The following DSCAM variants were observed in gnomAD, a reference collection of about 807,000 sequenced individuals.
DSCAM encodes the protein cell adhesion molecule DSCAM.
DSCAM carries 47 observed loss-of-function variants against 217.7 expected under a neutral mutation model. The ratio of observed to expected loss-of-function variants is 0.22; its 90% CI spans 0.17 to 0.28. The LOEUF (loss-of-function observed/expected upper bound fraction) is 0.28, where lower values mean the gene tolerates loss of function less well. Among genes scored for constraint, DSCAM ranks in the 10% least tolerant of loss-of-function variants. DSCAM has a pLI of 1.00. For missense variants in DSCAM, 2,080 were observed against 2,618.3 expected, an observed-to-expected ratio of 0.79 and a Z score of 4.49; for synonymous variants, 1,056 against 1,015.3, an observed-to-expected ratio of 1.04 and a Z score of -0.76.
At chr21:40,244,935 G>A (rs551068830) in intron 11 of DSCAM, among the ~76,000 whole-genome samples, 1 of 149,202 alleles carries the variant, frequency 6.7e-6, no homozygotes, top group East Asian at 2.1e-4. Context: ...TCCGCCGACT[G>A]CCAAGGGCTT....
At chr21:40,253,666 G>A (rs188198169) in intron 11 of DSCAM, among the ~76,000 whole-genome samples, 63 of 152,302 alleles carry the variant, frequency 4.1e-4, no homozygotes, top group African/African-American at 1.0e-3. Context: ...TCACGCCTCC[G>A]TAATAAAACT....
intron 1 of DSCAM, among the ~76,000 whole-genome samples, chr21:40,737,902 T>C (rs181712955): frequency 2.0e-5 from 3 of 152,168 alleles, no homozygotes; most frequent in African/African-American, 7.2e-5. Context: ...AGAAACCACC[T>C]TCTTTTTCTG....
intron 16 of DSCAM, among the ~76,000 whole-genome samples, chr21:40,163,762 C>T (rs1046809446): frequency 6.6e-6 from 1 of 152,032 alleles, no homozygotes; most frequent in African/African-American, 2.4e-5. Context: ...AGTGGTTGGT[C>T]GCCTGGTGTA....
intron 3 of DSCAM, among the ~76,000 whole-genome samples, chr21:40,449,018 C>G (rs1601652488): frequency 6.6e-6 from 1 of 152,126 alleles, no homozygotes; most frequent in African/African-American, 2.4e-5. Context: ...TATTATTATT[C>G]CTTTTCCAGC....
At chr21:40,284,378 G>A (rs1371341938) in intron 10 of DSCAM, among the ~76,000 whole-genome samples, 1 of 152,156 alleles carries the variant, frequency 6.6e-6, no homozygotes, top group Non-Finnish European at 1.5e-5. Flanking sequence ...GAAAGTTTGT[G>A]TCAGATGCTG....
At chr21:40,773,681 C>T (rs1052478462) in intron 1 of DSCAM, among the ~76,000 whole-genome samples, 1 of 152,148 alleles carries the variant, frequency 6.6e-6, no homozygotes, top group East Asian at 1.9e-4. Flanking sequence ...AAGCACAGGC[C>T]CCTGATTTTC....
In DSCAM at chr21:40,189,241, G is replaced by A; in HGVS notation, c.2357-3C>T. On this transcript the variant is annotated splice_polypyrimidine_tract_variant and splice_region_variant and intron_variant, in intron 11 of 32. Coordinates refer to ENST00000400454, the MANE Select transcript of DSCAM (RefSeq NM_001389.5). ...ATAGGATGTTATCATCGCAGGAACT[G>A]AAAAAGCAAAAGGGACACAACTTGT... is the stretch of plus-strand genomic sequence containing the variant. 6.4e-7 allele frequency: 1 copy of A among 1,559,986 alleles called. No homozygotes were observed.
At chr21:40,426,400 T>C (rs2075475425) in intron 3 of DSCAM, among the ~76,000 whole-genome samples, 1 of 152,210 alleles carries the variant, frequency 6.6e-6, no homozygotes, top group African/African-American at 2.4e-5. Flanking sequence ...CTATGGGCAT[T>C]TTCACGAGTG....
chr21:40,512,143 C>T (rs1444341677), intron 3 of DSCAM, among the ~76,000 whole-genome samples: 1 of 152,050 alleles, frequency 6.6e-6, no homozygotes, highest in Non-Finnish European at 1.5e-5. Context: ...AGGAAATTAA[C>T]GTAGCAGTGA....
At chr21:40,042,770 A>T (rs2088777149) in intron 31 of DSCAM, 97 bp from the exon 32 acceptor site, 4 of 1,201,952 alleles carry the variant, frequency 3.3e-6, no homozygotes, top group East Asian at 5.0e-5. Context: ...TTTCTTCCAG[A>T]TCATGGTGGG....
intron 1 of DSCAM, among the ~76,000 whole-genome samples, chr21:40,799,247 TGATG>T (rs1174724249): frequency 6.6e-6 from 1 of 152,196 alleles, no homozygotes; most frequent in Non-Finnish European, 1.5e-5. Flanking sequence ...TTGGGGTAGG[TGATG>T]CTTCCTCTCT....
intron 1 of DSCAM, among the ~76,000 whole-genome samples, chr21:40,737,300 A>G (rs1388067830): frequency 3.3e-5 from 5 of 152,202 alleles, no homozygotes; most frequent in African/African-American, 7.2e-5. Context: ...TTTATAAGGA[A>G]ATACATCAAC....
chr21:40,105,963 C>T (rs1402516269), intron 20 of DSCAM, among the ~76,000 whole-genome samples: 1 of 152,132 alleles, frequency 6.6e-6, no homozygotes, highest in Non-Finnish European at 1.5e-5. Context: ...CCTACTTGAT[C>T]ATGGTGGATA....
chr21:40,178,014 G>T (rs2090751558), intron 15 of DSCAM, among the ~76,000 whole-genome samples: 1 of 151,938 alleles, frequency 6.6e-6, no homozygotes, highest in Non-Finnish European at 1.5e-5. Context: ...GGCAGGAAAA[G>T]AAGAGGTAGG....
intron 20 of DSCAM, among the ~76,000 whole-genome samples, chr21:40,102,809 T>G (rs1233067405): frequency 6.6e-6 from 1 of 152,172 alleles, no homozygotes; most frequent in African/African-American, 2.4e-5. Flanking sequence ...CCTTCTCTAG[T>G]CCTCTCAATC....
At chr21:40,062,157 G>A (rs1304069802) in intron 28 of DSCAM, among the ~76,000 whole-genome samples, 3 of 152,190 alleles carry the variant, frequency 2.0e-5, no homozygotes, top group Non-Finnish European at 2.9e-5. Context: ...GTTTGGGGAC[G>A]TGAAAGTAAC....
chr21:40,540,411 G>A (rs1334685806), intron 3 of DSCAM, among the ~76,000 whole-genome samples: 2 of 152,018 alleles, frequency 1.3e-5, no homozygotes, highest in East Asian at 1.9e-4. Context: ...TCTCTCTGTC[G>A]ATGTTAATTA....
chr21:40,537,999 C>T (rs192065512), intron 3 of DSCAM, among the ~76,000 whole-genome samples: 26 of 152,176 alleles, frequency 1.7e-4, no homozygotes, highest in East Asian at 1.5e-3. Context: ...TCAGAGAGAG[C>T]GCTCAATAAA....
At chr21:40,247,595 C>T (rs184316077) in intron 11 of DSCAM, among the ~76,000 whole-genome samples, 3 of 152,352 alleles carry the variant, frequency 2.0e-5, no homozygotes, top group Admixed American at 2.0e-4. Context: ...GCAACAGATG[C>T]ATTCCCATGG....
Sources: gnomAD v4.1 joint callset for allele counts (sites outside exome capture counted in the v4.1 genomes callset) on GRCh38, gnomAD v4.1.1 for gene constraint, MANE v1.5 for transcripts, NCBI Gene and HGNC (gene_info 2026-07-23, HGNC 2026-07-21) for gene names.